Variants in ABCC3 observed in about 807,000 individuals in gnomAD.
ABCC3 encodes the protein ATP-binding cassette sub-family C member 3.
Under a neutral mutation model 165.3 loss-of-function variants are expected in ABCC3, and 121 were observed. The ratio of observed to expected loss-of-function variants is 0.73; its 90% CI spans 0.63 to 0.85. The LOEUF is 0.85. Among genes scored for constraint, ABCC3 ranks in the 40% least tolerant of loss-of-function variants. ABCC3 has a pLI of 0.00. For missense variants in ABCC3, 1,869 were observed against 1,964.1 expected, an observed-to-expected ratio of 0.95 and a Z score of 0.92; for synonymous variants, 733 against 810.1, an observed-to-expected ratio of 0.90 and a Z score of 1.62.
rs1229300284 is a variant in ABCC3 at position 50,659,279 on chromosome 17, C to T, written c.717C>T (p.Asp239=). ...YGYRHPLEEK[D]LWSLKEEDRS... is the part of the protein sequence containing the mutation. The stretch of plus-strand genomic sequence containing the variant: ...ACCGGCATCCCCTGGAGGAGAAGGA[C>T]CTCTGGTCCCTAAAGGAAGAGGACA... The change falls in exon 7 of 31, where the codon GAC becomes GAT. Residue 239 remains aspartate (D), a synonymous_variant. Coordinates refer to ENST00000285238, the MANE Select transcript of ABCC3 (RefSeq NM_003786.4). The T allele has an allele frequency of 6.2e-7, 1 of 1,613,942 alleles. No homozygotes were observed. The highest frequency in any genetic ancestry group is 1.7e-5 in the Admixed American group (1 of 60,012).
chr17:50,674,882 CT>C (rs1360521192), intron 19 of ABCC3, among the ~76,000 whole-genome samples: 1 of 151,526 alleles, frequency 6.6e-6, no homozygotes, highest in Non-Finnish European at 1.5e-5. Flanking sequence ...TCACTGCAAC[CT>C]TTGCCTCCTG....
In ABCC3 at chr17:50,678,225, A is replaced by T. The variant is rs1567837561; in HGVS notation, c.3705+6A>T. 1 of 1,520,586 alleles carries T rather than the reference A, an allele frequency of 6.6e-7. No individual in the cohort carries two copies. The highest frequency in any genetic ancestry group is 1.4e-5 in the African/African-American group (1 of 71,700). The allele number at this position is 1,520,586 out of a possible 1,614,324, so 94.2% of individuals were successfully genotyped here. A position where few individuals can be genotyped will look rare whatever the true frequency, so the allele number is the denominator to read the frequency against. On this transcript the variant is annotated splice_donor_region_variant and intron_variant, in intron 25 of 30. Transcript: ENST00000285238. ...CTGTGTCCTACTCCTTGCAGGTATG[A>T]AGGGCCTGGACCCCAGGGCAGGGCC...
chr17:50,673,965 T>C (rs1387328788), intron 19 of ABCC3, among the ~76,000 whole-genome samples: 62 of 23,208 alleles, frequency 2.7e-3, no homozygotes, highest in Middle Eastern at 0.021. Flanking sequence ...TCTTTCTTTC[T>C]TTCTTTCTTT....
chr17:50,677,868 G>A lies in ABCC3; in HGVS notation c.3503G>A (p.Arg1168Gln), dbSNP rs200005286. Residue 1168 changes from arginine to glutamine, a missense_variant, in exon 24 of 31, where the codon CGG becomes CAG. Physicochemically the swap from Arg to Gln is conservative, Grantham distance 43. Transcript: ENST00000285238. ...GTCATCCGGGCCTACAACCGCAGCC[G>A]GGATTTTGAGATCATCAGTGATACT... is the stretch of plus-strand genomic sequence containing the variant. ...ASVIRAYNRS[R>Q]DFEIISDTKV... is the part of the protein sequence containing the mutation. 2.1e-5 allele frequency: 34 copies of A among 1,613,992 alleles called. No individual in the cohort carries two copies. The highest frequency in any genetic ancestry group is 3.3e-5 in the Admixed American group (2 of 59,988).
intron 8 of ABCC3, chr17:50,663,348 G>GT: frequency 3.9e-5 from 13 of 333,020 alleles, no homozygotes; most frequent in Admixed American, 1.3e-4. Context: ...GAAGGAGCAG[G>GT]GAAGTCCAGT....
At chr17:50,659,195 G>T in intron 6 of ABCC3, 42 bp from the exon 7 acceptor site, 1 of 1,607,504 alleles carries the variant, frequency 6.2e-7, no homozygotes, top group South Asian at 1.1e-5. Flanking sequence ...GCTAAACCCT[G>T]ACCCTCTGCG....
At chr17:50,657,765 TG>T (rs2146607106) in intron 4 of ABCC3, among the ~76,000 whole-genome samples, 1 of 152,314 alleles carries the variant, frequency 6.6e-6, no homozygotes, top group African/African-American at 2.4e-5. Context: ...CTGAAACCTT[TG>T]GAGCCTCATT....
chr17:50,636,267 C>T (rs555987297), intron 1 of ABCC3, among the ~76,000 whole-genome samples: 114 of 151,948 alleles, frequency 7.5e-4, no homozygotes, highest in African/African-American at 2.6e-3. Flanking sequence ...GTGCTGTGCA[C>T]GTGTGTGCAC....
chr17:50,669,163 G>T lies in ABCC3; in HGVS notation c.1961G>T (p.Gly654Val). 6.2e-7 allele frequency: 1 copy of T among 1,602,722 alleles called. No individual in the cohort carries two copies. The highest frequency in any genetic ancestry group is 8.5e-7 in the Non-Finnish European group (1 of 1,176,874). Reference sequence around the variant, plus strand: ...AGCCTAGACATCCAGGTCCCGAAAGGGGCACTGGTGGCCGTGGTGGGGCCT... The same window carrying T: ...AGCCTAGACATCCAGGTCCCGAAAGTGGCACTGGTGGCCGTGGTGGGGCCT... Reference protein sequence around the residue: ...LHSLDIQVPKGALVAVVGPVG... With the variant: ...LHSLDIQVPKVALVAVVGPVG... Residue 654 changes from glycine (G) to valine (V), a missense_variant, in exon 16 of 31, where the codon GGG (glycine) becomes GTG (valine). Gly to Val is a moderately radical substitution (Grantham distance 109). Coordinates refer to ENST00000285238, the MANE Select transcript of ABCC3 (RefSeq NM_003786.4).
intron 1 of ABCC3, 143 bp from the exon 2 acceptor site, chr17:50,655,689 A>G (rs370621836): frequency 2.9e-6 from 2 of 684,832 alleles, no homozygotes; most frequent in African/African-American, 1.8e-5. Flanking sequence ...ACAACTGCTC[A>G]TTTGTGTACT....
intron 1 of ABCC3, among the ~76,000 whole-genome samples, chr17:50,655,595 T>G (rs1160090764): frequency 6.6e-6 from 1 of 151,884 alleles, no homozygotes; most frequent in Non-Finnish European, 1.5e-5. Context: ...TGCCCTTAAA[T>G]TATGCCTCAA....
chr17:50,678,579 G>A lies in ABCC3; in HGVS notation c.3705+360G>A, dbSNP rs964039806. ...GAGACCCCCATCAGCAGGAGATTGT[G>A]CTGCAGGCTGAGCAGGTCTTTGTGG... is the stretch of plus-strand genomic sequence containing the variant. On this transcript the variant is annotated intron_variant, in intron 25 of 30. Coordinates refer to ENST00000285238, the MANE Select transcript of ABCC3 (RefSeq NM_003786.4). Among the ~76,000 whole-genome samples, 6 of 152,172 alleles carry A rather than the reference G, an allele frequency of 3.9e-5. No homozygotes were observed. The East Asian group carries it at 1.2e-3, about 29-fold the overall frequency.
Position 50,677,888 on chromosome 17 carries a change from G to A in ABCC3, c.3523G>A (p.Asp1175Asn). The A allele has an allele frequency of 6.2e-7, 1 of 1,614,168 alleles. No individual in the cohort carries two copies. Among genetic ancestry groups the A allele is most frequent in the Non-Finnish European group, 8.5e-7 (1 of 1,180,032 alleles). Residue 1175 changes from aspartate to asparagine, a missense_variant, in exon 24 of 31, where the codon GAT becomes AAT. By Grantham distance (23) the Asp-to-Asn change is conservative. Coordinates refer to ENST00000285238, the MANE Select transcript of ABCC3 (RefSeq NM_003786.4). ...NRSRDFEIIS[D>N]TKVDANQRSC... ...CAGCCGGGATTTTGAGATCATCAGTGATACTAAGGTGGATGCCAACCAGAG... is the reference window on the plus strand; with the variant it reads ...CAGCCGGGATTTTGAGATCATCAGTAATACTAAGGTGGATGCCAACCAGAG...
rs775486053 is a variant in ABCC3 at position 50,687,591 on chromosome 17, A to C, written c.4336A>C (p.Ile1446Leu). The C allele has an allele frequency of 4.3e-6, 7 of 1,614,082 alleles. No individual in the cohort carries two copies. In the Admixed American group the frequency reaches 5.0e-5, roughly 12 times the overall value. ...CCGAGCCCTGCTCCGCAAGAGCCGC[A>C]TCCTGGTTTTAGACGAGGCCACAGC... ...LARALLRKSR[I>L]LVLDEATAAI... The change falls in exon 30 of 31, where the codon ATC becomes CTC. Residue 1446 changes from isoleucine to leucine, a missense_variant. Ile to Leu is a conservative substitution (Grantham distance 5, BLOSUM62 2). Coordinates refer to ENST00000285238, the MANE Select transcript of ABCC3 (RefSeq NM_003786.4).
intron 10 of ABCC3, 87 bp downstream of exon 10, chr17:50,664,198 G>T: frequency 6.5e-7 from 1 of 1,528,490 alleles, no homozygotes; most frequent in Non-Finnish European, 8.9e-7. Flanking sequence ...TGGGAGCATG[G>T]CACATGCTTG....
rs192808722 is a variant in ABCC3, at chr17:50,655,320, C to T, written c.46-512C>T. ...ACTCAGGAGGCTGAGGCAGGAGAAT[C>T]GCTTGAACCCGGGAGGCAGAGGTTG... On this transcript the variant is annotated intron_variant, in intron 1 of 30. Transcript: ENST00000285238. 6.2e-3 allele frequency among the ~76,000 whole-genome samples: 884 copies of T among 141,704 alleles called. 7 individuals carry two copies. The highest frequency in any genetic ancestry group is 0.022 in the African/African-American group (823 of 38,268). 93.0% of individuals were successfully genotyped at this position (141,704 alleles called of 152,430 possible). A position where few individuals can be genotyped will look rare whatever the true frequency, so the allele number is the denominator to read the frequency against.
chr17:50,640,709 G>T (rs2054221208), intron 1 of ABCC3, among the ~76,000 whole-genome samples: 1 of 152,186 alleles, frequency 6.6e-6, no homozygotes. Context: ...TTTTAGTAGA[G>T]ACAGCGTTTC....
At position 50,672,952 on chromosome 17, in the gene ABCC3, AC is replaced by A; in HGVS notation, c.2242-13del. On this transcript the variant is annotated intron_variant, in intron 17 of 30. Coordinates refer to ENST00000285238, the MANE Select transcript of ABCC3 (RefSeq NM_003786.4). ...GTGCCTGTCTGACCCCATTTTTCCC[AC>A]CCCCCGCCTCCCTCCAGGGCATTAA... is the stretch of plus-strand genomic sequence containing the variant. 1 of 1,603,430 alleles carries A rather than the reference AC, an allele frequency of 6.2e-7. No individual in the cohort carries two copies.
chr17:50,640,993 G>A (rs1418710242), intron 1 of ABCC3, among the ~76,000 whole-genome samples: 1 of 152,232 alleles, frequency 6.6e-6, no homozygotes, highest in Non-Finnish European at 1.5e-5. Flanking sequence ...GTACCACACA[G>A]GAATAGGGAA....
Sources: allele counts gnomAD v4.1 joint callset (sites outside exome capture counted in the v4.1 genomes callset), GRCh38; gene constraint gnomAD v4.1.1; transcripts MANE v1.5; gene names NCBI Gene and HGNC (gene_info 2026-07-23, HGNC 2026-07-21).